Variants in ULK4 observed in about 807,000 individuals in gnomAD.
ULK4 encodes the protein unc-51 like kinase 4.
Under a neutral mutation model 160.6 loss-of-function variants are expected in ULK4, and 133 were observed. The observed-to-expected ratio is 0.83, with a 90% confidence interval of 0.72 to 0.96. The LOEUF (loss-of-function observed/expected upper bound fraction) is 0.96, where lower values mean the gene tolerates loss of function less well. Among genes scored for constraint, ULK4 ranks in the 40% least tolerant of loss-of-function variants. The pLI is 0.00. For synonymous variants in ULK4, 534 were observed against 539.8 expected (o/e 0.99, Z 0.15); for missense variants, 1,580 against 1,499.5 (o/e 1.05, Z -0.89).
At chr3:41,397,074 A>T (rs1177140133) in intron 35 of ULK4, among the ~76,000 whole-genome samples, 9 of 152,088 alleles carry the variant, frequency 5.9e-5, no homozygotes, top group Non-Finnish European at 1.0e-4. Flanking sequence ...AGGATACCTC[A>T]AGGTATTAGG....
At chr3:41,692,456 A>G (rs531495844) in intron 27 of ULK4, among the ~76,000 whole-genome samples, 1 of 152,096 alleles carries the variant, frequency 6.6e-6, no homozygotes, top group East Asian at 1.9e-4. Flanking sequence ...TTGCTCACCA[A>G]TGTTCTGCCC....
At chr3:41,837,417 C>G (rs960542817) in intron 17 of ULK4, among the ~76,000 whole-genome samples, 1 of 152,114 alleles carries the variant, frequency 6.6e-6, no homozygotes, top group African/African-American at 2.4e-5. Context: ...AGAAAGCCAT[C>G]AATTTACTTT....
chr3:41,849,734 T>C (rs1470469343), intron 17 of ULK4, among the ~76,000 whole-genome samples: 1 of 152,196 alleles, frequency 6.6e-6, no homozygotes, highest in South Asian at 2.1e-4. Flanking sequence ...AGGCTGTACA[T>C]GTGTGAGGGC....
At chr3:41,855,657 A>C (rs1008310348) in intron 17 of ULK4, among the ~76,000 whole-genome samples, 4 of 152,212 alleles carry the variant, frequency 2.6e-5, no homozygotes, top group Non-Finnish European at 5.9e-5. Flanking sequence ...ATTAAAAGTC[A>C]TATCTTCAAC....
chr3:41,689,981 C>T (rs1190466760), intron 27 of ULK4, among the ~76,000 whole-genome samples: 1 of 148,710 alleles, frequency 6.7e-6, no homozygotes, highest in African/African-American at 2.6e-5. Context: ...GCTATAAAGA[C>T]ACATGCACAC....
At chr3:41,640,361 C>T (rs1008564166) in intron 30 of ULK4, among the ~76,000 whole-genome samples, 2 of 152,180 alleles carry the variant, frequency 1.3e-5, no homozygotes, top group Non-Finnish European at 1.5e-5. Context: ...TCCCATCACA[C>T]TCCGAGAGCC....
chr3:41,409,775 C>T (rs773456456), intron 34 of ULK4, among the ~76,000 whole-genome samples: 2 of 151,890 alleles, frequency 1.3e-5, no homozygotes, highest in South Asian at 2.1e-4. Flanking sequence ...ATGGTGAAAC[C>T]TCATCTCTAC....
chr3:41,434,333 A>C (rs574719973), intron 34 of ULK4, among the ~76,000 whole-genome samples: 58 of 152,334 alleles, frequency 3.8e-4, no homozygotes, highest in African/African-American at 1.3e-3. Flanking sequence ...ACTGATATGG[A>C]AATTTTGTTA....
rs534231851 is a variant in ULK4 at position 41,367,183 on chromosome 3, C to T, written c.3678+30896G>A. 2.6e-5 allele frequency among the ~76,000 whole-genome samples: 4 copies of T among 152,266 alleles called. No homozygotes were observed. In the South Asian group the frequency reaches 8.3e-4, roughly 32 times the overall value. On this transcript the variant is annotated intron_variant, in intron 35 of 36. Coordinates refer to ENST00000301831, the MANE Select transcript of ULK4 (RefSeq NM_017886.4). ...TTCCTCAAATGCCCAGCAATTCTTG[C>T]CTGTTCATGTTCATAAATGAAGGTC...
intron 32 of ULK4, among the ~76,000 whole-genome samples, chr3:41,474,296 A>G (rs1253242317): frequency 2.0e-5 from 3 of 152,176 alleles, no homozygotes; most frequent in South Asian, 4.1e-4. Flanking sequence ...GGTAAATCAG[A>G]CATCCATATG....
chr3:41,837,717 T>C (rs934475690), intron 17 of ULK4, among the ~76,000 whole-genome samples: 1 of 152,084 alleles, frequency 6.6e-6, no homozygotes, highest in African/African-American at 2.4e-5. Context: ...CACACCACCA[T>C]GGCCAGCTGA....
chr3:41,398,069 G>A lies in ULK4; in HGVS notation c.3678+10C>T. On this transcript the variant is annotated intron_variant, in intron 35 of 36. Transcript: ENST00000301831. ...CACCCACAGTGTCCCCGGTTTCTGT[G>A]TGAACTCACCATTCTTCTGAGAATC... 6.2e-7 allele frequency: 1 copy of A among 1,610,610 alleles called. No individual in the cohort carries two copies. Among genetic ancestry groups the A allele is most frequent in the Non-Finnish European group, 8.5e-7 (1 of 1,178,266 alleles).
intron 22 of ULK4, among the ~76,000 whole-genome samples, chr3:41,723,405 TCTC>T (rs1164745960): frequency 3.3e-5 from 5 of 152,138 alleles, no homozygotes; most frequent in Non-Finnish European, 7.3e-5. Context: ...CCTTCTTGTT[TCTC>T]CTCCTCCTCT....
At chr3:41,382,147 T>C (rs1559557857) in intron 35 of ULK4, among the ~76,000 whole-genome samples, 1 of 152,204 alleles carries the variant, frequency 6.6e-6, no homozygotes, top group Non-Finnish European at 1.5e-5. Flanking sequence ...TATATTTTTC[T>C]TCTTAGTGCT....
chr3:41,546,753 C>G (rs1371919932), intron 32 of ULK4, among the ~76,000 whole-genome samples: 1 of 138,128 alleles, frequency 7.2e-6, no homozygotes, highest in Non-Finnish European at 1.5e-5. Flanking sequence ...ATTCTACTTT[C>G]CTCCCTAGGC....
chr3:41,362,984 T>G (rs1161901176), intron 35 of ULK4, among the ~76,000 whole-genome samples: 1 of 152,234 alleles, frequency 6.6e-6, no homozygotes, highest in African/African-American at 2.4e-5. Flanking sequence ...TTGTTGCAGC[T>G]GAGGCCTCGC....
At chr3:41,311,297 G>A (rs925348350) in intron 35 of ULK4, among the ~76,000 whole-genome samples, 2 of 152,164 alleles carry the variant, frequency 1.3e-5, no homozygotes, top group African/African-American at 4.8e-5. Context: ...CAGTGGGCTG[G>A]GAAAGGCAGA....
intron 25 of ULK4, among the ~76,000 whole-genome samples, chr3:41,712,510 C>G (rs1475168458): frequency 6.6e-6 from 1 of 152,180 alleles, no homozygotes; most frequent in Non-Finnish European, 1.5e-5. Context: ...GGACAATATG[C>G]CTGCCATAAG....
intron 5 of ULK4, among the ~76,000 whole-genome samples, chr3:41,931,472 A>AATAAAT (rs572621690): frequency 7.9e-6 from 1 of 126,920 alleles, no homozygotes; most frequent in Non-Finnish European, 1.6e-5. Context: ...CTAGAACTTA[A>AATAAAT]AAAAAAAAAA....
Sources: gnomAD v4.1 joint callset for allele counts (sites outside exome capture counted in the v4.1 genomes callset) on GRCh38, gnomAD v4.1.1 for gene constraint, MANE v1.5 for transcripts, NCBI Gene and HGNC (gene_info 2026-07-23, HGNC 2026-07-21) for gene names.